Variants in PDIA5 observed in about 807,000 individuals in gnomAD.
The protein encoded by PDIA5 is protein disulfide-isomerase A5.
Under a neutral mutation model 77.6 loss-of-function variants are expected in PDIA5, and 58 were observed. The ratio of observed to expected loss-of-function variants is 0.75; its 90% CI spans 0.61 to 0.93. The LOEUF (loss-of-function observed/expected upper bound fraction) is 0.93, where lower values mean the gene tolerates loss of function less well. Among genes scored for constraint, PDIA5 ranks in the 40% least tolerant of loss-of-function variants. PDIA5 has a pLI of 0.00. For synonymous variants in PDIA5, 250 were observed against 252.1 expected (o/e 0.99, Z 0.08); for missense variants, 630 against 647.7 (o/e 0.97, Z 0.30).
At chr3:123,127,340 A>C (rs1392836208) in intron 10 of PDIA5, among the ~76,000 whole-genome samples, 1 of 151,952 alleles carries the variant, frequency 6.6e-6, no homozygotes, top group African/African-American at 2.4e-5. Flanking sequence ...GCATTTCCTC[A>C]CTCCCATTGG....
intron 7 of PDIA5, among the ~76,000 whole-genome samples, chr3:123,113,129 A>G (rs548618807): frequency 5.9e-4 from 90 of 152,340 alleles, no homozygotes; most frequent in Non-Finnish European, 7.3e-5. Flanking sequence ...TATTCTGTCC[A>G]CACAGCCCCT....
At chr3:123,072,484 G>T (rs1933747200) in intron 1 of PDIA5, among the ~76,000 whole-genome samples, 1 of 152,110 alleles carries the variant, frequency 6.6e-6, no homozygotes, top group African/African-American at 2.4e-5. Context: ...CCAGAGAGAG[G>T]CTGCATGATT....
intron 15 of PDIA5, among the ~76,000 whole-genome samples, chr3:123,158,270 A>G (rs1936065973): frequency 6.6e-6 from 1 of 152,252 alleles, no homozygotes; most frequent in Admixed American, 6.5e-5. Flanking sequence ...GTATTGTTAC[A>G]GTGCTCATAT....
intron 3 of PDIA5, among the ~76,000 whole-genome samples, chr3:123,093,518 C>G (rs1382721974): frequency 6.6e-6 from 1 of 152,082 alleles, no homozygotes; most frequent in Non-Finnish European, 1.5e-5. Flanking sequence ...CTGATGGAGG[C>G]TTATTGTAGG....
intron 14 of PDIA5, among the ~76,000 whole-genome samples, chr3:123,154,533 C>G (rs1935976675): frequency 6.6e-6 from 1 of 152,160 alleles, no homozygotes; most frequent in African/African-American, 2.4e-5. Context: ...CCCCACCCTG[C>G]ATTTCCCAAC....
intron 1 of PDIA5, among the ~76,000 whole-genome samples, chr3:123,073,008 G>A (rs1342364570): frequency 6.6e-6 from 1 of 152,166 alleles, no homozygotes; most frequent in East Asian, 1.9e-4. Context: ...AGGAGCAGGA[G>A]TGCTCAGCCC....
chr3:123,152,111 TCCTTCCTTCCTTCCTG>T (rs1284349969), intron 14 of PDIA5, among the ~76,000 whole-genome samples: 1 of 74,538 alleles, frequency 1.3e-5, no homozygotes, highest in Non-Finnish European at 2.8e-5. Context: ...CTTCCTTCCT[TCCTTCCTTCCTTCCTG>T]CCTTCCTTCC....
Position 123,161,928 on chromosome 3 carries a change from G to A in PDIA5, c.1528G>A (p.Glu510Lys), listed in dbSNP as rs756002312. 13 of 1,605,596 alleles carry A rather than the reference G, an allele frequency of 8.1e-6. No individual in the cohort carries two copies. The highest frequency in any genetic ancestry group is 1.6e-4 in the Middle Eastern group (1 of 6,068). ...TCGAGCCCTCCGGGAGGGAGACCATGAAAGACTAGGGAAAAAGAAGGAAGA... is the reference window on the plus strand; with the variant it reads ...TCGAGCCCTCCGGGAGGGAGACCATAAAAGACTAGGGAAAAAGAAGGAAGA... ...YIRALREGDHERLGKKKEEL is the reference protein window; with the variant it reads ...YIRALREGDHKRLGKKKEEL The change falls in exon 17 of 17, where the codon GAA (glutamate) becomes AAA (lysine). Residue 510 changes from glutamate (E) to lysine (K), a missense_variant. Transcript: ENST00000316218.
chr3:123,131,510 G>A (rs554996961), intron 11 of PDIA5, among the ~76,000 whole-genome samples: 1 of 150,482 alleles, frequency 6.6e-6, no homozygotes, highest in Non-Finnish European at 1.5e-5. Flanking sequence ...CCTTACAAGT[G>A]GTCGCGGGCT....
intron 1 of PDIA5, among the ~76,000 whole-genome samples, chr3:123,080,160 G>A (rs768422465): frequency 3.3e-5 from 5 of 151,540 alleles, no homozygotes; most frequent in African/African-American, 9.7e-5. Context: ...GTGTGTGTGG[G>A]GGGGATTTAA....
At chr3:123,113,193 G>T (rs1310536006) in intron 7 of PDIA5, among the ~76,000 whole-genome samples, 1 of 152,200 alleles carries the variant, frequency 6.6e-6, no homozygotes, top group Admixed American at 6.5e-5. Context: ...TCAACACATT[G>T]GTTAAATGAA....
At chr3:123,089,996 T>C (rs1157978264) in intron 2 of PDIA5, among the ~76,000 whole-genome samples, 1 of 152,250 alleles carries the variant, frequency 6.6e-6, no homozygotes, top group African/African-American at 2.4e-5. Context: ...AAGTGTTTTT[T>C]GCTGCTTCTA....
chr3:123,153,759 A>G (rs939877872), intron 14 of PDIA5, among the ~76,000 whole-genome samples: 3 of 152,240 alleles, frequency 2.0e-5, no homozygotes, highest in African/African-American at 7.2e-5. Context: ...TCAAGGACTA[A>G]ATTCAGATTA....
intron 10 of PDIA5, 60 bp downstream of exon 10, chr3:123,124,403 C>T: frequency 8.1e-7 from 1 of 1,240,102 alleles, no homozygotes; most frequent in Non-Finnish European, 1.2e-6. Context: ...ATCTGCCGGG[C>T]CTGAGGGTCG....
intron 14 of PDIA5, among the ~76,000 whole-genome samples, chr3:123,152,023 TCCTTCCTGCCTG>T (rs1398804050): frequency 7.9e-6 from 1 of 126,304 alleles, no homozygotes; most frequent in Non-Finnish European, 1.6e-5. Flanking sequence ...CTTCCTGCCT[TCCTTCCTGCCTG>T]CCTTCCTTCC....
In PDIA5 at chr3:123,102,825, T is replaced by A. The variant is rs61182591; in HGVS notation, c.387+29T>A. 0.9 allele frequency: 1,362,121 copies of A among 1,516,870 alleles called. 615,110 individuals carry two copies. The highest frequency in any genetic ancestry group is 0.92 in the Non-Finnish European group (1,008,269 of 1,091,552). 94.0% of individuals were successfully genotyped at this position (1,516,870 alleles called of 1,614,324 possible). A position where few individuals can be genotyped will look rare whatever the true frequency, so the allele number is the denominator to read the frequency against. On this transcript the variant is annotated intron_variant, in intron 5 of 16. Coordinates refer to ENST00000316218, the MANE Select transcript of PDIA5 (RefSeq NM_006810.4). ...AATTTACCTCCCTTGTTCTCAGCAATGGTGGAGTCTAAATGGACGCCCAAA... is the reference window on the plus strand; with the variant it reads ...AATTTACCTCCCTTGTTCTCAGCAAAGGTGGAGTCTAAATGGACGCCCAAA...
At chr3:123,153,108 A>G (rs1188905721) in intron 14 of PDIA5, among the ~76,000 whole-genome samples, 1 of 152,162 alleles carries the variant, frequency 6.6e-6, no homozygotes, top group Non-Finnish European at 1.5e-5. Context: ...CTTTCGGATA[A>G]TGAGAAAATT....
At position 123,106,758 on chromosome 3, in the gene PDIA5, G is replaced by C. The variant is rs776187148; in HGVS notation, c.397G>C (p.Ala133Pro). The change falls in exon 6 of 17, where the codon GCC becomes CCC. Residue 133 changes from alanine to proline, a missense_variant. Transcript: ENST00000316218. ...CTTTTTTTTCCCTCAGTCCATAGTGGCCTTTTTGAAGGATCCAAAAGGGCC... is the reference window on the plus strand; with the variant it reads ...CTTTTTTTTCCCTCAGTCCATAGTGCCCTTTTTGAAGGATCCAAAAGGGCC... The part of the protein sequence containing the change: ...NRAVTFKSIV[A>P]FLKDPKGPPL... The C allele has an allele frequency of 3.1e-6, 5 of 1,609,386 alleles. No homozygotes were observed. The highest frequency in any genetic ancestry group is 4.2e-6 in the Non-Finnish European group (5 of 1,176,674).
At chr3:123,081,800 G>T (rs1477493155) in intron 1 of PDIA5, among the ~76,000 whole-genome samples, 1 of 152,204 alleles carries the variant, frequency 6.6e-6, no homozygotes, top group African/African-American at 2.4e-5. Flanking sequence ...GAGGGTGCTG[G>T]CACGCGCCCC....
Sources: allele counts gnomAD v4.1 joint callset (sites outside exome capture counted in the v4.1 genomes callset), GRCh38; gene constraint gnomAD v4.1.1; transcripts MANE v1.5; gene names NCBI Gene and HGNC (gene_info 2026-07-23, HGNC 2026-07-21).